The following PCDH7 variants were observed in gnomAD, a reference collection of about 807,000 sequenced individuals.
PCDH7 encodes protocadherin 7.
A neutral mutation model predicts 58.9 loss-of-function variants in PCDH7; 17 were observed. The ratio of observed to expected loss-of-function variants is 0.29; its 90% confidence interval spans 0.20 to 0.43. The LOEUF is 0.43. Among genes scored for constraint, PCDH7 ranks in the 20% least tolerant of loss-of-function variants. The pLI is 1.00. For missense variants in PCDH7, 1,274 were observed against 1,441.0 expected (o/e 0.88, Z 1.88); for synonymous variants, 664 against 616.4 (o/e 1.08, Z -1.14).
intron 3 of PCDH7, among the ~76,000 whole-genome samples, chr4:31,048,720 A>C (rs1436654616): frequency 6.6e-6 from 1 of 151,972 alleles, no homozygotes; most frequent in Non-Finnish European, 1.5e-5. Flanking sequence ...GAAAAGAGAG[A>C]GAGAGAAAAA....
chr4:31,000,354 T>C (rs566088052), intron 3 of PCDH7, among the ~76,000 whole-genome samples: 1 of 152,252 alleles, frequency 6.6e-6, no homozygotes, highest in East Asian at 1.9e-4. Flanking sequence ...GTCTGAAATA[T>C]ATACACAGAC....
At chr4:30,769,664 G>T (rs1266533237) in intron 1 of PCDH7, among the ~76,000 whole-genome samples, 1 of 152,156 alleles carries the variant, frequency 6.6e-6, no homozygotes, top group Non-Finnish European at 1.5e-5. Flanking sequence ...GATCCACCCT[G>T]TTGTGAGTTT....
downstream of PCDH7, chr4:31,145,940 C>T (rs920993006): frequency 2.6e-5 from 4 of 152,022 alleles, no homozygotes; most frequent in Admixed American, 2.6e-4. Context: ...ACACAAGACT[C>T]TCAAGTGAAT....
chr4:30,749,855 G>A (rs1283310980), intron 1 of PCDH7, among the ~76,000 whole-genome samples: 1 of 152,146 alleles, frequency 6.6e-6, no homozygotes, highest in Non-Finnish European at 1.5e-5. Flanking sequence ...AATTCCATAT[G>A]TACCATTTCT....
chr4:31,085,640 A>G (rs1372639752), intron 3 of PCDH7, among the ~76,000 whole-genome samples: 1 of 152,168 alleles, frequency 6.6e-6, no homozygotes, highest in Non-Finnish European at 1.5e-5. Flanking sequence ...TTCACTTCCA[A>G]CACTAGATAT....
intron 1 of PCDH7, among the ~76,000 whole-genome samples, chr4:30,816,163 T>C (rs190967551): frequency 1.4e-3 from 211 of 152,310 alleles, no homozygotes; most frequent in Middle Eastern, 3.4e-3. Context: ...ATGTAGGTAA[T>C]ATATCTAGTT....
At chr4:31,095,014 AACAG>A (rs77086203) in intron 3 of PCDH7, among the ~76,000 whole-genome samples, 7,757 of 152,218 alleles carry the variant, frequency 0.051, 793 homozygotes, top group East Asian at 0.47. Flanking sequence ...GAAAAAATCA[AACAG>A]AGTAGTCAGG....
intron 3 of PCDH7, among the ~76,000 whole-genome samples, chr4:31,009,915 A>G (rs976254114): frequency 6.6e-6 from 1 of 152,008 alleles, no homozygotes; most frequent in East Asian, 1.9e-4. Flanking sequence ...TTTTATTGAC[A>G]TAGGGCCAAA....
intron 3 of PCDH7, among the ~76,000 whole-genome samples, chr4:31,068,503 A>C (rs1758278313): frequency 6.6e-6 from 1 of 152,152 alleles, no homozygotes; most frequent in Admixed American, 6.6e-5. Context: ...TTTCAGCACA[A>C]AGAATTCAAT....
intron 3 of PCDH7, among the ~76,000 whole-genome samples, chr4:31,011,064 G>C (rs1483683764): frequency 6.6e-6 from 1 of 151,764 alleles, no homozygotes. Flanking sequence ...TTTTCTGTGG[G>C]TTTCTATAAT....
At chr4:31,113,186 G>T (rs1229914378) in intron 3 of PCDH7, among the ~76,000 whole-genome samples, 1 of 151,986 alleles carries the variant, frequency 6.6e-6, no homozygotes, top group African/African-American at 2.4e-5. Context: ...AATGATAACT[G>T]CCTTTTATTC....
chr4:30,863,771 A>G (rs531842796), intron 1 of PCDH7, among the ~76,000 whole-genome samples: 1 of 152,122 alleles, frequency 6.6e-6, no homozygotes, highest in East Asian at 1.9e-4. Flanking sequence ...CACACAAAAA[A>G]TTCTGCATTT....
chr4:31,005,503 T>TG (rs1245432242), intron 3 of PCDH7, among the ~76,000 whole-genome samples: 21 of 152,158 alleles, frequency 1.4e-4, no homozygotes, highest in Non-Finnish European at 4.4e-5. Flanking sequence ...GTTTCATGTG[T>TG]GAAAAAAAAG....
downstream of PCDH7, among the ~76,000 whole-genome samples, chr4:30,733,153 A>G (rs1394293301): frequency 6.6e-6 from 1 of 152,208 alleles, no homozygotes; most frequent in Non-Finnish European, 1.5e-5. Flanking sequence ...GTGCCTGTGG[A>G]CAACGGACAG....
At chr4:31,007,852 C>A (rs1471023318) in intron 3 of PCDH7, among the ~76,000 whole-genome samples, 1 of 152,002 alleles carries the variant, frequency 6.6e-6, no homozygotes, top group Admixed American at 6.6e-5. Flanking sequence ...GTTGTGATTA[C>A]CCTTGAAGCT....
rs148352060 is a variant in PCDH7, at chr4:30,787,601, T to A, written c.70+63005T>A. 5.0e-3 allele frequency among the ~76,000 whole-genome samples: 764 copies of A among 152,174 alleles called. 7 individuals carry two copies. The highest frequency in any genetic ancestry group is 0.017 in the African/African-American group (720 of 41,540). On this transcript the variant is annotated intron_variant, in intron 1 of 3. Coordinates refer to the PCDH7 transcript ENST00000509759. ...TGGCCATTATATCAATAAGAAACTGTCCTTTTAAATTTGTGATCCTACACA... is the reference window on the plus strand; with the variant it reads ...TGGCCATTATATCAATAAGAAACTGACCTTTTAAATTTGTGATCCTACACA...
intron 1 of PCDH7, among the ~76,000 whole-genome samples, chr4:30,754,281 G>A (rs1718989062): frequency 6.6e-6 from 1 of 151,936 alleles, no homozygotes; most frequent in South Asian, 2.1e-4. Flanking sequence ...GTTTAGCTCT[G>A]TATCAGACAA....
chr4:30,989,239 A>C (rs1185530572), intron 3 of PCDH7, among the ~76,000 whole-genome samples: 1 of 150,488 alleles, frequency 6.6e-6, no homozygotes, highest in Non-Finnish European at 1.5e-5. Context: ...AATGGTGTAA[A>C]TATCTGACTG....
At chr4:31,034,334 C>T (rs1446675868) in intron 3 of PCDH7, among the ~76,000 whole-genome samples, 2 of 152,128 alleles carry the variant, frequency 1.3e-5, no homozygotes, top group African/African-American at 2.4e-5. Context: ...CCTCAAAAAT[C>T]TAAGCCAAGT....
Sources: gnomAD v4.1 joint callset for allele counts (sites outside exome capture counted in the v4.1 genomes callset) on GRCh38, gnomAD v4.1.1 for gene constraint, MANE v1.5 for transcripts, NCBI Gene and HGNC (gene_info 2026-07-23, HGNC 2026-07-21) for gene names.